The following GABBR2 variants were observed in gnomAD, a reference collection of about 807,000 sequenced individuals.
GABBR2 encodes the protein gamma-aminobutyric acid type B receptor subunit 2.
Under a neutral mutation model 105.6 loss-of-function variants are expected in GABBR2, and 23 were observed. The observed-to-expected ratio is 0.22, with a 90% CI of 0.16 to 0.31. The LOEUF is 0.31. GABBR2 is among the 10% of genes least tolerant of loss of function. GABBR2 has a pLI of 1.00. For synonymous variants in GABBR2, 478 were observed against 499.7 expected (o/e 0.96, Z 0.58); for missense variants, 734 against 1,245.5 (o/e 0.59, Z 6.18).
intron 8 of GABBR2, among the ~76,000 whole-genome samples, chr9:98,396,193 A>C (rs553834542): frequency 2.9e-4 from 44 of 152,324 alleles, no homozygotes; most frequent in African/African-American, 1.0e-3. Flanking sequence ...GAATGTGGGA[A>C]GCACAAAGAG....
At chr9:98,500,409 A>C (rs2131677158) in intron 3 of GABBR2, among the ~76,000 whole-genome samples, 1 of 152,274 alleles carries the variant, frequency 6.6e-6, no homozygotes, top group Non-Finnish European at 1.5e-5. Flanking sequence ...GCTGCCCCTC[A>C]CCTGGAAGGG....
intron 6 of GABBR2, among the ~76,000 whole-genome samples, chr9:98,456,599 T>G (rs1171543518): frequency 6.6e-6 from 1 of 152,186 alleles, no homozygotes; most frequent in African/African-American, 2.4e-5. Flanking sequence ...TTAGGCCCTT[T>G]TTAGGCCTCA....
At chr9:98,309,488 C>G (rs570414375) in intron 14 of GABBR2, among the ~76,000 whole-genome samples, 1 of 152,316 alleles carries the variant, frequency 6.6e-6, no homozygotes, top group African/African-American at 2.4e-5. Flanking sequence ...GGAGCTTGTC[C>G]TTCTTAGGGG....
chr9:98,345,202 T>C (rs556885082), intron 13 of GABBR2, among the ~76,000 whole-genome samples: 1 of 152,342 alleles, frequency 6.6e-6, no homozygotes, highest in Non-Finnish European at 1.5e-5. Flanking sequence ...TTTGCCTGAA[T>C]TACTGCAAAA....
intron 1 of GABBR2, among the ~76,000 whole-genome samples, chr9:98,596,979 C>T (rs917221232): frequency 1.3e-5 from 2 of 152,088 alleles, no homozygotes; most frequent in Admixed American, 1.3e-4. Context: ...GCATGAAACC[C>T]CAGGGCTGAC....
chr9:98,418,917 C>T (rs956814829), intron 7 of GABBR2, among the ~76,000 whole-genome samples: 2 of 152,240 alleles, frequency 1.3e-5, no homozygotes, highest in African/African-American at 4.8e-5. Flanking sequence ...TTTGCAGATG[C>T]AAGCATCCCT....
chr9:98,576,012 T>C (rs1483009107), intron 2 of GABBR2, among the ~76,000 whole-genome samples: 1 of 152,156 alleles, frequency 6.6e-6, no homozygotes, highest in Non-Finnish European at 1.5e-5. Flanking sequence ...GCACCTGCCC[T>C]GGGGCTTCCT....
At chr9:98,478,253 C>T (rs1048767241) in intron 5 of GABBR2, among the ~76,000 whole-genome samples, 1 of 152,216 alleles carries the variant, frequency 6.6e-6, no homozygotes, top group African/African-American at 2.4e-5. Flanking sequence ...GGTCTCTGCT[C>T]TGACTCCAAT....
At chr9:98,586,428 TA>T (rs1258355695) in intron 1 of GABBR2, among the ~76,000 whole-genome samples, 2 of 152,066 alleles carry the variant, frequency 1.3e-5, no homozygotes, top group Non-Finnish European at 2.9e-5. Context: ...ACCTCTTGAG[TA>T]GATGGGATCA....
chr9:98,648,548 C>T (rs565217094), intron 1 of GABBR2, among the ~76,000 whole-genome samples: 4 of 152,300 alleles, frequency 2.6e-5, no homozygotes, highest in East Asian at 3.9e-4. Context: ...TACTTGACAG[C>T]GCCTCTCCAG....
chr9:98,492,384 T>C (rs1827196065), intron 4 of GABBR2, among the ~76,000 whole-genome samples: 1 of 33,032 alleles, frequency 3.0e-5, no homozygotes, highest in African/African-American at 6.6e-5. Context: ...AAAATTCTTA[T>C]TTGAAAACAG....
intron 6 of GABBR2, among the ~76,000 whole-genome samples, chr9:98,459,074 C>T (rs1209387348): frequency 6.6e-6 from 1 of 152,166 alleles, no homozygotes; most frequent in African/African-American, 2.4e-5. Context: ...CTACGTGTTC[C>T]TGCGGAGCCA....
intron 2 of GABBR2, among the ~76,000 whole-genome samples, chr9:98,560,782 G>GTATATATATA (rs35347663): frequency 7.6e-5 from 11 of 145,346 alleles, no homozygotes; most frequent in African/African-American, 2.3e-4. Context: ...ATATAGTAGT[G>GTATATATATA]TATATATATA....
chr9:98,466,602 G>A (rs1297436548), intron 6 of GABBR2, among the ~76,000 whole-genome samples: 2 of 151,300 alleles, frequency 1.3e-5, no homozygotes, highest in Admixed American at 1.3e-4. Context: ...CACCTACTAT[G>A]TGTTTGCACT....
chr9:98,537,608 A>AT (rs35175650), intron 3 of GABBR2, among the ~76,000 whole-genome samples: 23,177 of 150,758 alleles, frequency 0.15, 2,287 homozygotes, highest in Middle Eastern at 0.3. Context: ...TAATTTTTGT[A>AT]TTTTTTTTTG....
chr9:98,538,042 T>C (rs184125286), intron 3 of GABBR2, among the ~76,000 whole-genome samples: 1 of 152,316 alleles, frequency 6.6e-6, no homozygotes, highest in Admixed American at 6.5e-5. Context: ...CACTGATTTT[T>C]TGAGTGAATG....
chr9:98,483,197 C>G (rs1826965651), intron 4 of GABBR2, among the ~76,000 whole-genome samples: 1 of 152,128 alleles, frequency 6.6e-6, no homozygotes, highest in Non-Finnish European at 1.5e-5. Context: ...CTTAGACTCA[C>G]TCCTCTTCTT....
At chr9:98,434,080 C>T (rs1825860900) in intron 7 of GABBR2, among the ~76,000 whole-genome samples, 1 of 152,166 alleles carries the variant, frequency 6.6e-6, no homozygotes, top group African/African-American at 2.4e-5. Flanking sequence ...ACAATCTAAT[C>T]AGCTGCCAAT....
intron 3 of GABBR2, among the ~76,000 whole-genome samples, chr9:98,502,526 C>G (rs1827423220): frequency 1.3e-5 from 2 of 152,234 alleles, no homozygotes; most frequent in Non-Finnish European, 2.9e-5. Context: ...CCCACACTGT[C>G]TCTGCTTTAG....
Sources: gnomAD v4.1 joint callset for allele counts (sites outside exome capture counted in the v4.1 genomes callset) on GRCh38, gnomAD v4.1.1 for gene constraint, MANE v1.5 for transcripts, NCBI Gene and HGNC (gene_info 2026-07-23, HGNC 2026-07-21) for gene names.